The following SENP7 variants were observed in gnomAD, a reference collection of about 807,000 sequenced individuals.
The protein encoded by SENP7 is sentrin-specific protease 7.
SENP7 carries 64 observed loss-of-function variants against 141.2 expected under a neutral mutation model. The ratio of observed to expected loss-of-function variants is 0.45; its 90% CI spans 0.37 to 0.56. The LOEUF (loss-of-function observed/expected upper bound fraction) is 0.56, where lower values mean the gene tolerates loss of function less well. Among genes scored for constraint, SENP7 ranks in the 20% least tolerant of loss-of-function variants. The pLI, the probability that SENP7 is intolerant of heterozygous loss-of-function variation, is 0.00. For synonymous variants in SENP7, 382 were observed against 426.4 expected (o/e 0.90, Z 1.28); for missense variants, 1,025 against 1,212.2 (o/e 0.85, Z 2.29).
intron 1 of SENP7, among the ~76,000 whole-genome samples, 190 bp from the exon 2 acceptor site, chr3:101,501,309 T>C (rs960438028): frequency 6.6e-6 from 1 of 151,380 alleles, no homozygotes; most frequent in Non-Finnish European, 1.5e-5. Flanking sequence ...GTCAGAAGAA[T>C]AGCAGATTCT....
chr3:101,451,624 T>A (rs1412259029), intron 4 of SENP7, among the ~76,000 whole-genome samples: 1 of 152,184 alleles, frequency 6.6e-6, no homozygotes, highest in East Asian at 1.9e-4. Flanking sequence ...CATATGATTA[T>A]CTCAACAGAT....
Position 101,332,859 on chromosome 3 carries a change from C to A in SENP7, c.2484G>T (p.Met828Ile). The change falls in exon 18 of 24, where the codon ATG (methionine) becomes ATT (isoleucine). Residue 828 changes from methionine (M) to isoleucine (I), a missense_variant. Physicochemically the swap from Met to Ile is conservative, Grantham distance 10. Transcript: ENST00000394095. ...TTACTCTTTTATGTCTTCTCTGTGC[C>A]ATTCTGAGAGTATGAAAGACAGATT... ...NLTEDNPNLS[M>I]AQRRHKRVRT... The A allele has an allele frequency of 6.3e-7, 1 of 1,575,200 alleles. No individual in the cohort carries two copies. The highest frequency in any genetic ancestry group is 2.3e-5 in the East Asian group (1 of 42,772).
intron 11 of SENP7, chr3:101,358,376 C>A: frequency 1.9e-6 from 1 of 519,338 alleles, no homozygotes; most frequent in South Asian, 1.7e-5. Flanking sequence ...TTTAAATGTT[C>A]CTCAACCCTT....
intron 1 of SENP7, among the ~76,000 whole-genome samples, chr3:101,509,977 CG>C (rs1361182520): frequency 6.8e-6 from 1 of 146,896 alleles, no homozygotes; most frequent in African/African-American, 2.7e-5. Flanking sequence ...AAAGAACATA[CG>C]TTATCCTTAA....
intron 3 of SENP7, among the ~76,000 whole-genome samples, chr3:101,467,027 T>C (rs1387767347): frequency 6.6e-6 from 1 of 152,178 alleles, no homozygotes; most frequent in East Asian, 1.9e-4. Context: ...ACAAGGTGAT[T>C]CTCTCCCCGT....
In SENP7 at chr3:101,510,843, C is replaced by CAAAAAAAAAAAAAAAAAAAAAAAAAAA. The variant is rs377579284; in HGVS notation, c.40+2247_40+2248insTTTTTTTTTTTTTTTTTTTTTTTTTTT. Among the ~76,000 whole-genome samples, 2 of 78,380 alleles carry CAAAAAAAAAAAAAAAAAAAAAAAAAAA rather than the reference C, an allele frequency of 2.6e-5. 1 individual carries two copies. The highest frequency in any genetic ancestry group is 4.7e-5 in the Non-Finnish European group (2 of 42,394). 51.4% of individuals were successfully genotyped at this position (78,380 alleles called of 152,430 possible). On this transcript the variant is annotated intron_variant, in intron 1 of 23. Transcript: ENST00000394095. ...TGGGCAACAGAGCGAGACTCCATCT[C>CAAAAAAAAAAAAAAAAAAAAAAAAAAA]AAAAAAAAAAAAAAAAAAAAGTCAC...
At position 101,463,392 on chromosome 3, in the gene SENP7, T is replaced by TAC. The variant is rs1559865403; in HGVS notation, c.187-4341_187-4340insGT. On this transcript the variant is annotated intron_variant, in intron 3 of 23. Transcript: ENST00000394095. ...ATATATATATATATATATATATATA[T>TAC]ATATACATATATATATATATATATA... 3.7e-3 allele frequency among the ~76,000 whole-genome samples: 328 copies of TAC among 89,604 alleles called. 1 individual carries two copies. Among genetic ancestry groups the TAC allele is most frequent in the African/African-American group, 0.014 (254 of 18,120 alleles). 58.8% of individuals were successfully genotyped at this position (89,604 alleles called of 152,430 possible). A position where few individuals can be genotyped will look rare whatever the true frequency, so the allele number is the denominator to read the frequency against.
At chr3:101,411,526 T>C (rs2061458170) in intron 5 of SENP7, among the ~76,000 whole-genome samples, 1 of 152,154 alleles carries the variant, frequency 6.6e-6, no homozygotes, top group Non-Finnish European at 1.5e-5. Context: ...CAAGGAACTT[T>C]GTGTGATAGG....
chr3:101,407,964 A>C (rs1460730575), intron 5 of SENP7, among the ~76,000 whole-genome samples: 1 of 152,168 alleles, frequency 6.6e-6, no homozygotes, highest in East Asian at 1.9e-4. Flanking sequence ...TAAAACAAAA[A>C]AAATACAAAA....
intron 12 of SENP7, among the ~76,000 whole-genome samples, chr3:101,349,436 T>C (rs1407521907): frequency 6.6e-6 from 1 of 152,188 alleles, no homozygotes; most frequent in East Asian, 1.9e-4. Flanking sequence ...CTTTAAAAGA[T>C]TATCTTTTTC....
At position 101,326,092 on chromosome 3, in the gene SENP7, A is replaced by G. The variant is rs1193904183; in HGVS notation, c.3016-12T>C. The G allele has an allele frequency of 1.2e-5, 19 of 1,557,346 alleles. No individual in the cohort carries two copies. Among genetic ancestry groups the G allele is most frequent in the African/African-American group, 1.4e-5 (1 of 72,050 alleles). On this transcript the variant is annotated splice_polypyrimidine_tract_variant and intron_variant, in intron 23 of 23. Transcript: ENST00000394095. ...TTAACAATAGGATCCTAATGAGAGGAAAAAAAGAGTGTAATCACTTTAGCA... is the reference window on the plus strand; with the variant it reads ...TTAACAATAGGATCCTAATGAGAGGGAAAAAAGAGTGTAATCACTTTAGCA...
intron 18 of SENP7, 92 bp downstream of exon 18, chr3:101,332,678 C>T (rs1341393046): frequency 1.0e-5 from 7 of 692,576 alleles, no homozygotes; most frequent in Non-Finnish European, 1.5e-5. Flanking sequence ...ATGTATGTGG[C>T]CATAATTTTT....
chr3:101,503,953 A>G (rs2065489491), intron 1 of SENP7, among the ~76,000 whole-genome samples: 1 of 151,830 alleles, frequency 6.6e-6, no homozygotes, highest in South Asian at 2.1e-4. Context: ...CTCAAATTAA[A>G]AAAAAAAAAA....
chr3:101,348,736 T>A (rs1270405275), intron 12 of SENP7, among the ~76,000 whole-genome samples: 2 of 151,886 alleles, frequency 1.3e-5, no homozygotes, highest in Non-Finnish European at 2.9e-5. Context: ...TTGGTCTTTC[T>A]CCCTCTTAGG....
chr3:101,510,875 TG>T (rs1460846432), intron 1 of SENP7, among the ~76,000 whole-genome samples: 1 of 146,358 alleles, frequency 6.8e-6, no homozygotes, highest in African/African-American at 2.5e-5. Context: ...TCACTTCATT[TG>T]GGTTCCAGTT....
chr3:101,429,215 T>TC (rs1207902700), intron 4 of SENP7, among the ~76,000 whole-genome samples: 2 of 152,048 alleles, frequency 1.3e-5, no homozygotes, highest in African/African-American at 4.8e-5. Flanking sequence ...TAGTTCTTTT[T>TC]CCAATTCTGT....
chr3:101,506,807 C>A (rs2065634481), intron 1 of SENP7, among the ~76,000 whole-genome samples: 1 of 152,218 alleles, frequency 6.6e-6, no homozygotes, highest in Non-Finnish European at 1.5e-5. Flanking sequence ...AATCCCAGCA[C>A]TTTGGGAAGC....
At chr3:101,494,281 T>C (rs915226440) in intron 2 of SENP7, among the ~76,000 whole-genome samples, 1 of 152,178 alleles carries the variant, frequency 6.6e-6, no homozygotes, top group Non-Finnish European at 1.5e-5. Context: ...AACCTAATTA[T>C]GGCTGCAATA....
intron 4 of SENP7, among the ~76,000 whole-genome samples, chr3:101,449,069 C>T (rs984310215): frequency 2.0e-5 from 3 of 152,056 alleles, no homozygotes; most frequent in African/African-American, 7.2e-5. Flanking sequence ...ACGAGAAGTA[C>T]GCGGCAAATG....
Sources: allele counts gnomAD v4.1 joint callset (sites outside exome capture counted in the v4.1 genomes callset), GRCh38; gene constraint gnomAD v4.1.1; transcripts MANE v1.5; gene names NCBI Gene and HGNC (gene_info 2026-07-23, HGNC 2026-07-21).